HECW2: variants seen among roughly 807,000 people sequenced by gnomAD.
The protein encoded by HECW2 is E3 ubiquitin-protein ligase HECW2.
A neutral mutation model predicts 175.2 loss-of-function variants in HECW2; 61 were observed. That is an observed-to-expected ratio of 0.35 (90% confidence interval 0.28 to 0.43). HECW2 has a LOEUF of 0.43. HECW2 is among the 20% of genes least tolerant of loss of function. The pLI, the probability that HECW2 is intolerant of heterozygous loss-of-function variation, is 1.00. For missense variants in HECW2, 1,524 were observed against 2,000.5 expected (o/e 0.76, Z 4.54); for synonymous variants, 671 against 731.0 (o/e 0.92, Z 1.32).
intron 21 of HECW2, among the ~76,000 whole-genome samples, chr2:196,236,420 C>T (rs1184169690): frequency 6.6e-6 from 1 of 152,218 alleles, no homozygotes; most frequent in East Asian, 1.9e-4. Context: ...TTGTACACCT[C>T]ACACACAGAT....
intron 17 of HECW2, among the ~76,000 whole-genome samples, chr2:196,261,847 G>C (rs935038559): frequency 6.6e-6 from 1 of 152,030 alleles, no homozygotes; most frequent in Non-Finnish European, 1.5e-5. Flanking sequence ...TTATAGGTCC[G>C]CAATATTTCT....
At chr2:196,552,057 A>G (rs1317326053) in intron 1 of HECW2, among the ~76,000 whole-genome samples, 1 of 152,182 alleles carries the variant, frequency 6.6e-6, no homozygotes, top group Non-Finnish European at 1.5e-5. Context: ...GCCTATTAAG[A>G]CAGCGCCACA....
chr2:196,270,969 C>CA (rs1219942218), intron 17 of HECW2, among the ~76,000 whole-genome samples: 1 of 152,186 alleles, frequency 6.6e-6, no homozygotes, highest in Non-Finnish European at 1.5e-5. Context: ...GCTGAGATTA[C>CA]AGGCGTGAGT....
intron 2 of HECW2, among the ~76,000 whole-genome samples, chr2:196,392,524 G>A (rs1423148282): frequency 6.6e-6 from 1 of 152,078 alleles, no homozygotes; most frequent in African/African-American, 2.4e-5. Context: ...TGTTTTGTCA[G>A]CAATGCAACA....
chr2:196,563,303 C>T (rs906381930), intron 1 of HECW2, among the ~76,000 whole-genome samples: 7 of 152,104 alleles, frequency 4.6e-5, no homozygotes, highest in East Asian at 1.9e-4. Flanking sequence ...CGGTGGCTCA[C>T]GCTTGTAATC....
chr2:196,292,539 T>A, intron 14 of HECW2, 26 bp downstream of exon 14: 1 of 1,596,736 alleles, frequency 6.3e-7, no homozygotes, highest in Non-Finnish European at 8.6e-7. Flanking sequence ...CATTTGGCAC[T>A]CCCTGAGGCA....
At chr2:196,390,592 T>C (rs17241275) in intron 2 of HECW2, among the ~76,000 whole-genome samples, 3,744 of 152,294 alleles carry the variant, frequency 0.025, 56 homozygotes, top group Non-Finnish European at 0.04. Context: ...CACTAATTCA[T>C]AATGTGGTAG....
intron 1 of HECW2, among the ~76,000 whole-genome samples, chr2:196,575,246 T>C (rs1156531431): frequency 1.3e-5 from 2 of 151,990 alleles, no homozygotes; most frequent in Non-Finnish European, 2.9e-5. Flanking sequence ...CTTTTTAGAA[T>C]AGCTATTATC....
intron 19 of HECW2, among the ~76,000 whole-genome samples, chr2:196,243,328 C>T (rs568869570): frequency 2.0e-4 from 31 of 151,828 alleles, no homozygotes; most frequent in African/African-American, 3.4e-4. Context: ...CCACCACGCC[C>T]GACTAATTTT....
At chr2:196,573,828 T>C (rs1690466486) in intron 1 of HECW2, among the ~76,000 whole-genome samples, 1 of 151,528 alleles carries the variant, frequency 6.6e-6, no homozygotes, top group Non-Finnish European at 1.5e-5. Context: ...GCAGGTAACA[T>C]AATAATATAC....
chr2:196,538,686 A>G (rs911856837), intron 1 of HECW2, among the ~76,000 whole-genome samples: 1 of 152,220 alleles, frequency 6.6e-6, no homozygotes, highest in African/African-American at 2.4e-5. Flanking sequence ...TAAAAAAACT[A>G]TAACAGTCTC....
chr2:196,464,094 C>T (rs1227431999), intron 1 of HECW2, among the ~76,000 whole-genome samples: 2 of 151,228 alleles, frequency 1.3e-5, no homozygotes, highest in African/African-American at 4.9e-5. Context: ...ATTAAAATTG[C>T]TACCCACTTT....
intron 1 of HECW2, among the ~76,000 whole-genome samples, chr2:196,590,914 AG>A (rs1356784439): frequency 1.2e-4 from 18 of 152,328 alleles, no homozygotes; most frequent in African/African-American, 4.3e-4. Flanking sequence ...TCCTGTTCAG[AG>A]GGGTCAAACA....
intron 1 of HECW2, among the ~76,000 whole-genome samples, chr2:196,474,158 T>C (rs1697327100): frequency 6.6e-6 from 1 of 152,252 alleles, no homozygotes; most frequent in South Asian, 2.1e-4. Flanking sequence ...GCTAGTGATC[T>C]TGGTTACTGC....
At chr2:196,405,793 C>G (rs184386906) in intron 2 of HECW2, among the ~76,000 whole-genome samples, 103 of 152,272 alleles carry the variant, frequency 6.8e-4, no homozygotes, top group Non-Finnish European at 1.2e-3. Flanking sequence ...GAATTCTCTA[C>G]AGCTGAAATA....
rs937302664 is a variant in HECW2 at position 196,318,803 on chromosome 2, C to T, written c.2087G>A (p.Gly696Glu). The change falls in exon 9 of 29, where the codon GGG becomes GAG. Residue 696 changes from glycine (G) to glutamate (E), a missense_variant. By Grantham distance (98) the Gly-to-Glu change is moderately conservative. This residue lies in a region of HECW2 where 604 missense variants were observed against 588.3 expected (regional missense o/e 1.03). Coordinates refer to ENST00000644978, the MANE Select transcript of HECW2 (RefSeq NM_001348768.2). ...AGCAGTGCACACGGATTCCTGCGAC[C>T]CTTCGGCAGGGCCACTGCTGGTGGG... is the stretch of plus-strand genomic sequence containing the variant. ...AEPTSSGPAEGSQESVCTAGS... is the reference protein window; with the variant it reads ...AEPTSSGPAEESQESVCTAGS... The T allele has an allele frequency of 2.8e-5, 43 of 1,527,798 alleles. No individual in the cohort carries two copies. Among genetic ancestry groups the T allele is most frequent in the Non-Finnish European group, 3.8e-5 (43 of 1,136,472 alleles). 94.6% of individuals were successfully genotyped at this position (1,527,798 alleles called of 1,614,324 possible). A position where few individuals can be genotyped will look rare whatever the true frequency, so the allele number is the denominator to read the frequency against.
chr2:196,336,651 T>G (rs1692561001), intron 3 of HECW2, among the ~76,000 whole-genome samples: 1 of 152,184 alleles, frequency 6.6e-6, no homozygotes, highest in Non-Finnish European at 1.5e-5. Flanking sequence ...AAAAAAAATG[T>G]GACTGCTTAT....
intron 2 of HECW2, among the ~76,000 whole-genome samples, chr2:196,368,066 T>C (rs1028067742): frequency 1.3e-5 from 2 of 152,170 alleles, no homozygotes; most frequent in Non-Finnish European, 1.5e-5. Flanking sequence ...TTGGCTATTG[T>C]GAACAGTGCT....
intron 19 of HECW2, among the ~76,000 whole-genome samples, chr2:196,253,641 T>C (rs1002519454): frequency 2.3e-4 from 35 of 152,218 alleles, no homozygotes; most frequent in African/African-American, 8.4e-4. Context: ...AGCAACCTAA[T>C]ATTTTGTGTC....
Sources: allele counts gnomAD v4.1 joint callset (sites outside exome capture counted in the v4.1 genomes callset), GRCh38; gene constraint gnomAD v4.1.1; regional missense constraint gnomAD v4.1.1; transcripts MANE v1.5; gene names NCBI Gene and HGNC (gene_info 2026-07-23, HGNC 2026-07-21).